TTLL3: variants seen among roughly 807,000 people sequenced by gnomAD.
TTLL3 encodes tubulin tyrosine ligase like 3.
A neutral mutation model predicts 75.2 loss-of-function variants in TTLL3; 63 were observed. The ratio of observed to expected loss-of-function variants is 0.84; its 90% CI spans 0.68 to 1.03. The LOEUF (loss-of-function observed/expected upper bound fraction) is 1.03, where lower values mean the gene tolerates loss of function less well. Among genes scored for constraint, TTLL3 ranks in the 50% least tolerant of loss-of-function variants. TTLL3 has a pLI of 0.00. For synonymous variants in TTLL3, 393 were observed against 418.5 expected (o/e 0.94, Z 0.74); for missense variants, 997 against 1,069.9 (o/e 0.93, Z 0.95).
At chr3:9,814,352 A>C (rs2079624900) in intron 4 of TTLL3, among the ~76,000 whole-genome samples, 1 of 143,324 alleles carries the variant, frequency 7.0e-6, no homozygotes, top group Admixed American at 7.0e-5. Flanking sequence ...TAAATAAATA[A>C]AATAAAATAA....
chr3:9,826,911 C>T (rs756540817), intron 9 of TTLL3, 86 bp from the exon 10 acceptor site: 29 of 1,584,540 alleles, frequency 1.8e-5, no homozygotes, highest in Middle Eastern at 1.8e-4. Flanking sequence ...CTATCAGCTC[C>T]GAGGGGACAA....
rs1370368822 is a variant in TTLL3 at position 9,820,659 on chromosome 3, A to G, written c.772A>G (p.Ile258Val). 1.2e-6 allele frequency: 2 copies of G among 1,614,132 alleles called. No homozygotes were observed. The highest frequency in any genetic ancestry group is 1.7e-5 in the Admixed American group (1 of 60,008). The change falls in exon 8 of 14, where the codon ATC becomes GTC. Residue 258 changes from isoleucine (I) to valine (V), a missense_variant. Ile to Val is a conservative substitution (Grantham distance 29). Coordinates refer to ENST00000685419, the MANE Select transcript of TTLL3 (RefSeq NM_001387446.1). ...CCTTAGCAACTTGGCCCACATGGACATCGACAAGGACCTGGAGGCCCCGCT... is the reference window on the plus strand; with the variant it reads ...CCTTAGCAACTTGGCCCACATGGACGTCGACAAGGACCTGGAGGCCCCGCT... ...EYLSNLAHMD[I>V]DKDLEAPLYL...
chr3:9,817,853 T>C, intron 6 of TTLL3, 94 bp downstream of exon 6: 2 of 1,471,602 alleles, frequency 1.4e-6, no homozygotes, highest in Non-Finnish European at 9.3e-7. Context: ...CCTCTCTTCA[T>C]GCCCTCATCT....
intron 8 of TTLL3, chr3:9,821,000 G>A (rs1402112437): frequency 6.2e-6 from 3 of 484,088 alleles, no homozygotes; most frequent in Non-Finnish European, 1.1e-5. Context: ...TGTGTTGTGT[G>A]GATGTTAATT....
In TTLL3 at chr3:9,810,377, A is replaced by ATG; in HGVS notation, c.-59_-58insTG. ...GGCCCCCCGCACACCCCGGTCCTCG[A>ATG]CCCCTCTCCGCAGGATGGTGAGGCC... On this transcript the variant is annotated 5_prime_UTR_variant, in exon 1 of 14. It adds an upstream start codon to the 5' untranslated region. Coordinates refer to ENST00000685419, the MANE Select transcript of TTLL3 (RefSeq NM_001387446.1). The surrounding 1 kb of genome is among the most constrained non-coding windows in gnomAD (Gnocchi z 4.4). The ATG allele has an allele frequency of 1.4e-6, 2 of 1,402,922 alleles. No homozygotes were observed. Among genetic ancestry groups the ATG allele is most frequent in the Non-Finnish European group, 9.2e-7 (1 of 1,089,216 alleles). 86.9% of individuals were successfully genotyped at this position (1,402,922 alleles called of 1,614,324 possible).
At chr3:9,811,089 G>A (rs1482412002) in intron 2 of TTLL3, among the ~76,000 whole-genome samples, 1 of 152,150 alleles carries the variant, frequency 6.6e-6, no homozygotes, top group Non-Finnish European at 1.5e-5. Flanking sequence ...CTCTTTGGCT[G>A]CTGCTTTTCA....
In TTLL3 at chr3:9,820,548, G is replaced by A; in HGVS notation, c.661G>A (p.Asp221Asn). ...IQAVEEEASG[D>N]KQPKKQEKNP... ...GACAGGCCCCTCCCTATGTGCAGGA[G>A]ACAAGCAGCCCAAGAAACAGGAGAA... Residue 221 changes from aspartate to asparagine, a missense_variant and splice_region_variant, in exon 8 of 14, where the codon GAC (aspartate) becomes AAC (asparagine). By Grantham distance (23) the Asp-to-Asn change is conservative. Coordinates refer to ENST00000685419, the MANE Select transcript of TTLL3 (RefSeq NM_001387446.1). 8 of 1,613,990 alleles carry A rather than the reference G, an allele frequency of 5.0e-6. No individual in the cohort carries two copies. Among genetic ancestry groups the A allele is most frequent in the Non-Finnish European group, 5.9e-6 (7 of 1,179,950 alleles).
At chr3:9,835,012 G>A (rs1033646959) in intron 13 of TTLL3, 82 bp from the exon 14 acceptor site, 1 of 1,597,468 alleles carries the variant, frequency 6.3e-7, no homozygotes, top group African/African-American at 1.3e-5. Flanking sequence ...GGCACCCCAA[G>A]GGAAGAGCTG....
intron 11 of TTLL3, among the ~76,000 whole-genome samples, chr3:9,832,365 G>A (rs914322045): frequency 6.6e-6 from 1 of 152,054 alleles, no homozygotes; most frequent in Admixed American, 6.6e-5. Context: ...TGGGATTACA[G>A]GTGTGACCAC....
At chr3:9,811,392 A>G (rs1383779759) in intron 2 of TTLL3, among the ~76,000 whole-genome samples, 1 of 152,200 alleles carries the variant, frequency 6.6e-6, no homozygotes, top group Non-Finnish European at 1.5e-5. Context: ...TCCTCACGCC[A>G]GAAATCTCAT....
Position 9,810,516 on chromosome 3 carries a change from G to A in TTLL3, c.-41-105G>A. ...GAGGGTGGGCATCTGGATGAAGGCA[G>A]GAGGAAGAAAAGAGGCGTGGCTATG... On this transcript the variant is annotated intron_variant, in intron 1 of 13. Coordinates refer to ENST00000685419, the MANE Select transcript of TTLL3 (RefSeq NM_001387446.1). This position sits in a 1 kb window ranked among gnomAD's most constrained non-coding sequence, Gnocchi z 4.4. The A allele has an allele frequency of 6.8e-7, 1 of 1,471,208 alleles. No individual in the cohort carries two copies. Among genetic ancestry groups the A allele is most frequent in the Non-Finnish European group, 9.0e-7 (1 of 1,108,418 alleles). 91.1% of individuals were successfully genotyped at this position (1,471,208 alleles called of 1,614,324 possible).
At chr3:9,827,611 T>G in intron 10 of TTLL3, 1 of 249,344 alleles carries the variant, frequency 4.0e-6, no homozygotes, top group Non-Finnish European at 8.0e-6. Flanking sequence ...GTTGCCCAGG[T>G]TGGTCTCAAA....
At position 9,835,112 on chromosome 3, in the gene TTLL3, C is replaced by T. The variant is rs1266927158; in HGVS notation, c.2071C>T (p.Leu691Phe). ...KPRKAPALLC[L>F]RGPQLEVPCC... ...CACCGAGGCTCCTGCTCTCCTGTGC[C>T]TCCGAGGCCCCCAGCTGGAAGTGCC... Residue 691 changes from leucine to phenylalanine, a missense_variant, in exon 14 of 14, where the codon CTC becomes TTC. Transcript: ENST00000685419. 6 of 1,611,364 alleles carry T rather than the reference C, an allele frequency of 3.7e-6. No homozygotes were observed. Among genetic ancestry groups the T allele is most frequent in the Non-Finnish European group, 5.1e-6 (6 of 1,178,270 alleles).
intron 7 of TTLL3, chr3:9,819,631 C>T: frequency 2.0e-6 from 2 of 985,696 alleles, no homozygotes; most frequent in Non-Finnish European, 2.4e-6. Flanking sequence ...TCATGCATGC[C>T]AACCCAACCA....
chr3:9,818,893 A>G lies in TTLL3; in HGVS notation c.631A>G (p.Ile211Val), dbSNP rs2080146053. The G allele has an allele frequency of 6.2e-7, 1 of 1,614,090 alleles. No homozygotes were observed. The highest frequency in any genetic ancestry group is 8.5e-7 in the Non-Finnish European group (1 of 1,180,004). Residue 211 changes from isoleucine (I) to valine (V), a missense_variant, in exon 7 of 14, where the codon ATT (isoleucine) becomes GTT (valine). By Grantham distance (29) the Ile-to-Val change is conservative (BLOSUM62 3). Transcript: ENST00000685419. ...GAAGTCTGAGTGGAAGTCATACCCT[A>G]TTCAGGCAGTAGAGGAAGAGGCCTC... is the stretch of plus-strand genomic sequence containing the variant. ...VVKSEWKSYP[I>V]QAVEEEASGD...
At chr3:9,817,498 A>G in intron 5 of TTLL3, 147 bp from the exon 6 acceptor site, 2 of 1,505,904 alleles carry the variant, frequency 1.3e-6, no homozygotes, top group Non-Finnish European at 1.8e-6. Context: ...TCCCAGGCAA[A>G]TATATGGTGA....
chr3:9,835,068 C>A, intron 13 of TTLL3, 26 bp from the exon 14 acceptor site: 1 of 1,591,722 alleles, frequency 6.3e-7, no homozygotes, highest in Non-Finnish European at 8.6e-7. Context: ...GATCATCTCC[C>A]TCTTCTCCCC....
chr3:9,822,211 GC>G (rs1559741244), intron 8 of TTLL3, among the ~76,000 whole-genome samples: 1 of 150,472 alleles, frequency 6.6e-6, no homozygotes, highest in Non-Finnish European at 1.5e-5. Flanking sequence ...GATTACAGGC[GC>G]CCACCACCAC....
rs748481534 is a variant in TTLL3, at chr3:9,817,649, G to T, written c.449G>T (p.Gly150Val). The T allele has an allele frequency of 1.9e-6, 3 of 1,613,996 alleles. No homozygotes were observed. The highest frequency in any genetic ancestry group is 2.5e-6 in the Non-Finnish European group (3 of 1,180,040). Residue 150 changes from glycine to valine, a missense_variant, in exon 6 of 14, where the codon GGT becomes GTT. Physicochemically the swap from Gly to Val is moderately radical, Grantham distance 109. Transcript: ENST00000685419. ...TCTCAGTGGCTAACTCCGTAGGTGG[G>T]TCTATGTCTCAATCTCCGGAATTTG... ...ARAGSFTTKV[G>V]LCLNLRNLPW...
Sources: allele counts gnomAD v4.1 joint callset (sites outside exome capture counted in the v4.1 genomes callset), GRCh38; gene constraint gnomAD v4.1.1; non-coding constraint Gnocchi (gnomAD v3.1); transcripts MANE v1.5; gene names NCBI Gene and HGNC (gene_info 2026-07-23, HGNC 2026-07-21).